The following CNTNAP5 variants were observed in gnomAD, a reference collection of about 807,000 sequenced individuals.
CNTNAP5 encodes the protein contactin-associated protein-like 5.
In CNTNAP5, 72 loss-of-function variants were observed where a neutral mutation model predicts 150.2. The observed-to-expected ratio is 0.48, with a 90% CI of 0.40 to 0.58. CNTNAP5 has a LOEUF of 0.58. CNTNAP5 is among the 20% of genes least tolerant of loss of function. The pLI, the probability that CNTNAP5 is intolerant of heterozygous loss-of-function variation, is 0.00. For synonymous variants in CNTNAP5, 672 were observed against 619.8 expected (o/e 1.08, Z -1.25); for missense variants, 1,636 against 1,626.2 (o/e 1.01, Z -0.10).
chr2:124,533,318 G>A (rs1453960263), intron 10 of CNTNAP5, among the ~76,000 whole-genome samples: 1 of 152,136 alleles, frequency 6.6e-6, no homozygotes, highest in Non-Finnish European at 1.5e-5. Context: ...GCAAATTGGA[G>A]CATTTTAACA....
At chr2:124,639,965 A>C (rs1678056032) in intron 12 of CNTNAP5, among the ~76,000 whole-genome samples, 1 of 151,994 alleles carries the variant, frequency 6.6e-6, no homozygotes, top group Non-Finnish European at 1.5e-5. Context: ...TACTCTTCCC[A>C]ACAGGAATGC....
At chr2:124,838,023 G>A (rs1043703097) in intron 19 of CNTNAP5, among the ~76,000 whole-genome samples, 3 of 151,950 alleles carry the variant, frequency 2.0e-5, no homozygotes, top group African/African-American at 7.2e-5. Flanking sequence ...ATGACACAGA[G>A]GATCAAGCCT....
intron 13 of CNTNAP5, among the ~76,000 whole-genome samples, chr2:124,694,692 A>G (rs6713051): frequency 6.6e-6 from 1 of 152,224 alleles, no homozygotes; most frequent in African/African-American, 2.4e-5. Flanking sequence ...AGAGCAATTT[A>G]CAAATAATAG....
chr2:124,845,484 G>A (rs2104697502), intron 19 of CNTNAP5, among the ~76,000 whole-genome samples: 1 of 151,064 alleles, frequency 6.6e-6, no homozygotes, highest in African/African-American at 2.4e-5. Context: ...TTGTATTAGG[G>A]TGATAATGGC....
chr2:124,365,814 TATGCTGA>T (rs1311261132), intron 3 of CNTNAP5, among the ~76,000 whole-genome samples: 1 of 152,220 alleles, frequency 6.6e-6, no homozygotes, highest in East Asian at 1.9e-4. Context: ...TTAATAAGTG[TATGCTGA>T]ATCTGAAGAT....
chr2:124,041,195 T>G (rs1338372743), intron 1 of CNTNAP5, among the ~76,000 whole-genome samples: 5 of 152,246 alleles, frequency 3.3e-5, no homozygotes, highest in African/African-American at 1.2e-4. Flanking sequence ...CTATTGATGT[T>G]CTCACCCTTG....
chr2:124,716,813 A>T (rs1679954173), intron 13 of CNTNAP5, among the ~76,000 whole-genome samples: 1 of 152,180 alleles, frequency 6.6e-6, no homozygotes. Flanking sequence ...AGAGAAAATA[A>T]AATTAGGCTG....
intron 19 of CNTNAP5, among the ~76,000 whole-genome samples, chr2:124,807,283 G>T (rs1682100838): frequency 6.6e-6 from 1 of 152,084 alleles, no homozygotes; most frequent in Non-Finnish European, 1.5e-5. Context: ...TAAGAAATAA[G>T]GACTCTGACT....
intron 7 of CNTNAP5, among the ~76,000 whole-genome samples, chr2:124,488,746 G>T (rs2104847259): frequency 6.6e-6 from 1 of 152,308 alleles, no homozygotes; most frequent in Non-Finnish European, 1.5e-5. Flanking sequence ...ATACCAAGAT[G>T]AACTTGAAGG....
At chr2:124,309,680 CTTT>C (rs1688775942) in intron 3 of CNTNAP5, among the ~76,000 whole-genome samples, 1 of 152,162 alleles carries the variant, frequency 6.6e-6, no homozygotes, top group Non-Finnish European at 1.5e-5. Flanking sequence ...AGTCTGGGGC[CTTT>C]AGCCAGAGCG....
At chr2:124,523,245 A>G (rs182645118) in intron 8 of CNTNAP5, among the ~76,000 whole-genome samples, 26 of 152,328 alleles carry the variant, frequency 1.7e-4, no homozygotes, top group Non-Finnish European at 2.6e-4. Context: ...ATGGCCTGTT[A>G]AGTACAAACA....
intron 19 of CNTNAP5, among the ~76,000 whole-genome samples, chr2:124,827,871 CTTG>C (rs547275786): frequency 6.1e-4 from 93 of 152,260 alleles, no homozygotes; most frequent in African/African-American, 2.1e-3. Context: ...CCCCACTTCC[CTTG>C]TTGTCTGTTT....
At chr2:124,034,464 A>G (rs751065861) in intron 1 of CNTNAP5, among the ~76,000 whole-genome samples, 1 of 152,184 alleles carries the variant, frequency 6.6e-6, no homozygotes, top group African/African-American at 2.4e-5. Flanking sequence ...CTCCCATGTA[A>G]ACAGACAATG....
rs189478459 is a variant in CNTNAP5 at position 124,455,672 on chromosome 2, C to T, written c.918+8735C>T. On this transcript the variant is annotated intron_variant, in intron 6 of 23. Coordinates refer to ENST00000682447, the MANE Select transcript of CNTNAP5 (RefSeq NM_001367498.1). Reference sequence around the variant, plus strand: ...ATAGATGCAAAAATCCTTAGCTAAACGCTAGCTAACCAAATCCAACAACAT... The same window carrying T: ...ATAGATGCAAAAATCCTTAGCTAAATGCTAGCTAACCAAATCCAACAACAT... 4.8e-4 allele frequency among the ~76,000 whole-genome samples: 72 copies of T among 151,514 alleles called. No homozygotes were observed. In the Middle Eastern group the frequency reaches 0.014, roughly 29 times the overall value.
At chr2:124,189,457 A>T (rs1685410150) in intron 1 of CNTNAP5, among the ~76,000 whole-genome samples, 1 of 152,120 alleles carries the variant, frequency 6.6e-6, no homozygotes, top group Non-Finnish European at 1.5e-5. Context: ...GACCCTGGAG[A>T]GGTTCCAGAC....
chr2:124,293,297 C>T (rs1479518164), intron 3 of CNTNAP5, among the ~76,000 whole-genome samples: 2 of 152,078 alleles, frequency 1.3e-5, no homozygotes, highest in Non-Finnish European at 2.9e-5. Flanking sequence ...CAATTCTGAT[C>T]ATTTTGTTAG....
chr2:124,183,282 T>G (rs1342318953), intron 1 of CNTNAP5, among the ~76,000 whole-genome samples: 1 of 152,196 alleles, frequency 6.6e-6, no homozygotes, highest in Non-Finnish European at 1.5e-5. Flanking sequence ...AAAATTCTGT[T>G]TCTCTGATTC....
intron 16 of CNTNAP5, among the ~76,000 whole-genome samples, chr2:124,767,030 A>T (rs1267782776): frequency 2.6e-5 from 4 of 152,198 alleles, no homozygotes; most frequent in African/African-American, 9.6e-5. Flanking sequence ...GGATGGAAAC[A>T]TCTTGTATTC....
chr2:124,245,690 T>C (rs1428615398), intron 3 of CNTNAP5, among the ~76,000 whole-genome samples: 2 of 150,526 alleles, frequency 1.3e-5, no homozygotes, highest in Non-Finnish European at 3.0e-5. Flanking sequence ...CACACAAATA[T>C]ATATATACAC....
Sources: gnomAD v4.1 joint callset for allele counts (sites outside exome capture counted in the v4.1 genomes callset) on GRCh38, gnomAD v4.1.1 for gene constraint, MANE v1.5 for transcripts, NCBI Gene and HGNC (gene_info 2026-07-23, HGNC 2026-07-21) for gene names.